The following SLC71A1 variants were observed in gnomAD, a reference collection of about 807,000 sequenced individuals.
SLC71A1 encodes solute carrier family 71 member 1.
At chr1:100,053,131 G>A in the SLC71A1 span, among the ~76,000 whole-genome samples, 1 of 152,196 alleles carries the variant, frequency 6.6e-6, no homozygotes, top group East Asian at 1.9e-4. Context: ...TTCAGTATAT[G>A]TCACTAATTA....
chr1:100,041,825 G>A, the SLC71A1 span, among the ~76,000 whole-genome samples: 1 of 151,924 alleles, frequency 6.6e-6, no homozygotes, highest in African/African-American at 2.4e-5. Context: ...CCGGGAGGCC[G>A]AGGCACGAGA....
the SLC71A1 span, among the ~76,000 whole-genome samples, chr1:100,073,056 A>G: frequency 5.7e-4 from 86 of 152,064 alleles, no homozygotes; most frequent in Non-Finnish European, 9.7e-4. Flanking sequence ...CAGTGGCTTC[A>G]CCACCGCCAG....
the SLC71A1 span, chr1:100,080,388 G>T: frequency 1.2e-6 from 1 of 859,022 alleles, no homozygotes. Flanking sequence ...GCTAGTGTCT[G>T]ATAAGAAGCT....
At chr1:100,059,142 G>GTGTTTTTTTTTTTT in the SLC71A1 span, among the ~76,000 whole-genome samples, 11 of 96,822 alleles carry the variant, frequency 1.1e-4, no homozygotes, top group African/African-American at 6.2e-4. Flanking sequence ...TTTCTTTTTC[G>GTGTTTTTTTTTTTT]TGTTTTTTTT....
the SLC71A1 span, chr1:100,060,073 A>C: frequency 1.4e-5 from 20 of 1,406,736 alleles, no homozygotes; most frequent in Middle Eastern, 1.8e-4. Flanking sequence ...ATGTTCCTTT[A>C]TTTCTTTCAC....
the SLC71A1 span, chr1:100,062,038 C>T: frequency 2.7e-6 from 2 of 739,036 alleles, no homozygotes; most frequent in South Asian, 3.9e-5. Flanking sequence ...CAAACCTTTG[C>T]ATTACAAGAT....
chr1:100,043,082 T>C, the SLC71A1 span: 1 of 985,004 alleles, frequency 1.0e-6, no homozygotes, highest in African/African-American at 1.7e-5. Flanking sequence ...GATGGCTATA[T>C]GCATCCAGTT....
chr1:100,073,665 A>G, the SLC71A1 span, among the ~76,000 whole-genome samples: 150 of 152,352 alleles, frequency 9.8e-4, no homozygotes, highest in Middle Eastern at 3.4e-3. Flanking sequence ...ATGAGAAGGT[A>G]GTCCGTGTGT....
At chr1:100,068,120 A>C in the SLC71A1 span, 1 of 1,614,218 alleles carries the variant, frequency 6.2e-7, no homozygotes. Flanking sequence ...TTGCTGTGCC[A>C]GAGTCGTTGC....
the SLC71A1 span, chr1:100,077,216 T>C: frequency 6.3e-7 from 1 of 1,595,680 alleles, no homozygotes. Context: ...GAACACCATT[T>C]TACTGGGTCT....
the SLC71A1 span, chr1:100,038,336 G>C: frequency 0.042 from 65,532 of 1,550,358 alleles, 1,539 homozygotes; most frequent in African/African-American, 0.068. Context: ...GTTCCGCGCC[G>C]GCGAGCGTCC....
chr1:100,082,696 G>A, the SLC71A1 span: 1 of 152,364 alleles, frequency 6.6e-6, no homozygotes, highest in African/African-American at 2.4e-5. Context: ...CTAAAACAAA[G>A]AAATGGTAAA....
chr1:100,060,174 G>GTAA, the SLC71A1 span, among the ~76,000 whole-genome samples: 1 of 152,096 alleles, frequency 6.6e-6, no homozygotes, highest in Admixed American at 6.6e-5. Context: ...AATACAGTAG[G>GTAA]TAATAGTTCA....
At chr1:100,076,136 T>C in the SLC71A1 span, among the ~76,000 whole-genome samples, 1 of 152,252 alleles carries the variant, frequency 6.6e-6, no homozygotes, top group Non-Finnish European at 1.5e-5. Context: ...CTGTGAGTTC[T>C]AATTGCTCAA....
chr1:100,052,940 T>A, the SLC71A1 span, among the ~76,000 whole-genome samples: 10 of 151,940 alleles, frequency 6.6e-5, no homozygotes, highest in African/African-American at 2.4e-4. Context: ...CGTGCCAACA[T>A]ACCAGGCTAA....
At chr1:100,058,794 C>A in the SLC71A1 span, 1 of 818,262 alleles carries the variant, frequency 1.2e-6, no homozygotes, top group Non-Finnish European at 2.0e-6. Flanking sequence ...CACGGATGAA[C>A]ATACATAAAT....
the SLC71A1 span, among the ~76,000 whole-genome samples, chr1:100,056,022 A>T: frequency 1.3e-4 from 20 of 152,326 alleles, no homozygotes; most frequent in Admixed American, 1.3e-3. Flanking sequence ...AGGTGCTGGG[A>T]TTACAGGCGT....
At chr1:100,058,377 G>A in the SLC71A1 span, among the ~76,000 whole-genome samples, 1 of 152,166 alleles carries the variant, frequency 6.6e-6, no homozygotes, top group Non-Finnish European at 1.5e-5. Flanking sequence ...TTTACTTACT[G>A]ACTGTAATCT....
chr1:100,047,554 C>A, the SLC71A1 span, among the ~76,000 whole-genome samples: 1 of 152,218 alleles, frequency 6.6e-6, no homozygotes, highest in African/African-American at 2.4e-5. Context: ...TCCTGAGTAG[C>A]TGGGATTACA....
Sources: allele counts gnomAD v4.1 joint callset (sites outside exome capture counted in the v4.1 genomes callset), GRCh38; gene constraint gnomAD v4.1.1; transcripts MANE v1.5; gene names NCBI Gene and HGNC (gene_info 2026-07-23, HGNC 2026-07-21).